The following PPP2R5E variants were observed in gnomAD, a reference collection of about 807,000 sequenced individuals.
PPP2R5E encodes protein phosphatase 2 regulatory subunit B'epsilon.
A neutral mutation model predicts 65.3 loss-of-function variants in PPP2R5E; 4 were observed. The observed-to-expected ratio is 0.06, with a 90% CI of 0.03 to 0.14. The LOEUF (loss-of-function observed/expected upper bound fraction) is 0.14. Among genes scored for constraint, PPP2R5E ranks in the 10% least tolerant of loss-of-function variants. PPP2R5E has a pLI of 1.00. For synonymous variants in PPP2R5E, 183 were observed against 187.4 expected (o/e 0.98, Z 0.19); for missense variants, 274 against 556.1 (o/e 0.49, Z 5.10).
At chr14:63,512,993 C>A (rs1004243297) in intron 2 of PPP2R5E, among the ~76,000 whole-genome samples, 2 of 130,332 alleles carry the variant, frequency 1.5e-5, no homozygotes, top group Non-Finnish European at 3.3e-5. Flanking sequence ...TTCTCCACCC[C>A]CCTACCCCCC....
At chr14:63,442,658 T>C (rs1454838277) in intron 3 of PPP2R5E, among the ~76,000 whole-genome samples, 1 of 152,174 alleles carries the variant, frequency 6.6e-6, no homozygotes, top group African/African-American at 2.4e-5. Context: ...GCTATTCTAT[T>C]TTACTGTTAT....
intron 2 of PPP2R5E, among the ~76,000 whole-genome samples, chr14:63,464,736 C>T (rs112522744): frequency 6.6e-6 from 1 of 152,060 alleles, no homozygotes; most frequent in Non-Finnish European, 1.5e-5. Context: ...AGAAAATATA[C>T]TCTGGCCAGG....
In PPP2R5E at chr14:63,416,041, A is replaced by G. The variant is rs546248704; in HGVS notation, c.457-809T>C. Reference sequence around the variant, plus strand: ...GTGGCACAATATACCCATCTGCAAAAAGTCAGCCTCAAATAATTGTTCTGA... The same window carrying G: ...GTGGCACAATATACCCATCTGCAAAGAGTCAGCCTCAAATAATTGTTCTGA... On this transcript the variant is annotated intron_variant, in intron 4 of 13. Coordinates refer to ENST00000337537, the MANE Select transcript of PPP2R5E (RefSeq NM_006246.5). Among the ~76,000 whole-genome samples the G allele has an allele frequency of 4.6e-5, 7 of 152,332 alleles. No individual in the cohort carries two copies. The East Asian group carries it at 1.2e-3, about 25-fold the overall frequency.
chr14:63,518,423 T>C (rs1323020778), intron 2 of PPP2R5E, among the ~76,000 whole-genome samples: 1 of 151,996 alleles, frequency 6.6e-6, no homozygotes, highest in Non-Finnish European at 1.5e-5. Context: ...TTTTTTCTTC[T>C]GTAGAGACAG....
chr14:63,513,088 A>G (rs984513546), intron 2 of PPP2R5E, among the ~76,000 whole-genome samples: 10 of 152,102 alleles, frequency 6.6e-5, no homozygotes, highest in African/African-American at 2.4e-4. Flanking sequence ...TGGAACTGAA[A>G]TAGAAACTGT....
At chr14:63,432,053 A>T (rs1887703526) in intron 3 of PPP2R5E, among the ~76,000 whole-genome samples, 1 of 150,246 alleles carries the variant, frequency 6.7e-6, no homozygotes, top group African/African-American at 2.5e-5. Flanking sequence ...AAAAAAAAAA[A>T]GCTTAAAACT....
intron 2 of PPP2R5E, among the ~76,000 whole-genome samples, chr14:63,495,206 G>GAC (rs747418665): frequency 5.4e-5 from 8 of 147,014 alleles, no homozygotes; most frequent in Non-Finnish European, 1.1e-4. Flanking sequence ...CTGTCTCAAA[G>GAC]ACACACACAC....
rs138540611 is a variant in PPP2R5E, at chr14:63,424,479, C to T, written c.355-2385G>A. Among the ~76,000 whole-genome samples the T allele has an allele frequency of 5.7e-3, 872 of 152,202 alleles. 13 individuals are homozygous for T. The highest frequency in any genetic ancestry group is 0.02 in the African/African-American group (838 of 41,532). ...AAGAAGAGAAAGGGTCGGCCGGGCG[C>T]GGTGGCTCACGCCTGTAATCCCAGC... On this transcript the variant is annotated intron_variant, in intron 3 of 13. Transcript: ENST00000337537.
chr14:63,520,742 G>A (rs1037874827), intron 2 of PPP2R5E, among the ~76,000 whole-genome samples: 2 of 151,738 alleles, frequency 1.3e-5, no homozygotes, highest in African/African-American at 2.4e-5. Flanking sequence ...GTGGCCAGGT[G>A]CAGTGGCTCA....
intron 5 of PPP2R5E, among the ~76,000 whole-genome samples, chr14:63,410,123 G>C (rs1886317290): frequency 1.3e-5 from 2 of 152,290 alleles, no homozygotes; most frequent in Admixed American, 6.5e-5. Flanking sequence ...AGCTGCTACA[G>C]AAAATAAGTT....
At chr14:63,433,860 GTGACTTGCCCTGTCT>G (rs1887820634) in intron 3 of PPP2R5E, among the ~76,000 whole-genome samples, 1 of 152,146 alleles carries the variant, frequency 6.6e-6, no homozygotes, top group Admixed American at 6.5e-5. Context: ...AGTTGTGCAT[GTGACTTGCCCTGTCT>G]TGACTTTCCT....
chr14:63,395,375 A>T, intron 6 of PPP2R5E, 90 bp from the exon 7 acceptor site: 4 of 540,608 alleles, frequency 7.4e-6, no homozygotes, highest in East Asian at 5.9e-5. Context: ...GAGAAGGGGG[A>T]GGAGGAGGAG....
At chr14:63,424,081 A>G (rs1887191467) in intron 3 of PPP2R5E, among the ~76,000 whole-genome samples, 2 of 152,186 alleles carry the variant, frequency 1.3e-5, no homozygotes. Flanking sequence ...ACAAGGAATG[A>G]CGCTGGCTTG....
chr14:63,399,730 C>T (rs747852667), intron 5 of PPP2R5E, among the ~76,000 whole-genome samples: 5 of 152,100 alleles, frequency 3.3e-5, no homozygotes, highest in East Asian at 1.9e-4. Flanking sequence ...TTGAATGTTA[C>T]TGAGTTGTTT....
rs1890302256 is a variant in PPP2R5E at position 63,474,577 on chromosome 14, A to C, written c.158-20692T>G. 2.8e-5 allele frequency among the ~76,000 whole-genome samples: 4 copies of C among 143,732 alleles called. No individual in the cohort carries two copies. The South Asian group carries it at 9.8e-4, about 35-fold the overall frequency. 94.3% of individuals were successfully genotyped at this position (143,732 alleles called of 152,430 possible). ...AATCCCAGCTACTCGGGAGGCTGAG[A>C]TGGGAGGATGGCTTGAGCCCAGGGA... is the stretch of plus-strand genomic sequence containing the variant. On this transcript the variant is annotated intron_variant, in intron 2 of 13. Transcript: ENST00000337537.
At chr14:63,408,734 T>C (rs1886223804) in intron 5 of PPP2R5E, among the ~76,000 whole-genome samples, 2 of 152,248 alleles carry the variant, frequency 1.3e-5, no homozygotes, top group Admixed American at 6.5e-5. Flanking sequence ...CATTTCTGCA[T>C]TTATTCAAGC....
At chr14:63,401,371 A>G (rs918457225) in intron 5 of PPP2R5E, among the ~76,000 whole-genome samples, 11 of 152,324 alleles carry the variant, frequency 7.2e-5, no homozygotes, top group Middle Eastern at 3.4e-3. Context: ...GGACTGTGCC[A>G]TCCCTAATAT....
At chr14:63,427,077 T>C (rs1417069961) in intron 3 of PPP2R5E, among the ~76,000 whole-genome samples, 4 of 152,214 alleles carry the variant, frequency 2.6e-5, no homozygotes, top group Non-Finnish European at 5.9e-5. Context: ...TTTTAATTTA[T>C]AGTTTACGGT....
At position 63,431,229 on chromosome 14, in the gene PPP2R5E, C is replaced by T. The variant is rs148098162; in HGVS notation, c.355-9135G>A. ...GTTGCAGTGAGCCAAGATCACGCCA[C>T]TGCACTCCAGCCTGGCGACAGAGCT... is the stretch of plus-strand genomic sequence containing the variant. On this transcript the variant is annotated intron_variant, in intron 3 of 13. Transcript: ENST00000337537. Among the ~76,000 whole-genome samples the T allele has an allele frequency of 3.4e-3, 514 of 151,252 alleles. 3 individuals are homozygous for T. Among genetic ancestry groups the T allele is most frequent in the African/African-American group, 0.012 (485 of 41,166 alleles).
Sources: allele counts gnomAD v4.1 joint callset (sites outside exome capture counted in the v4.1 genomes callset), GRCh38; gene constraint gnomAD v4.1.1; transcripts MANE v1.5; gene names NCBI Gene and HGNC (gene_info 2026-07-23, HGNC 2026-07-21).